Variants in STXBP6 observed in about 807,000 individuals in gnomAD.
STXBP6 encodes syntaxin-binding protein 6.
STXBP6 carries 21 observed loss-of-function variants against 26.9 expected under a neutral mutation model. That is an observed-to-expected ratio of 0.78 (90% CI 0.55 to 1.12). STXBP6 has a LOEUF of 1.12. Ranked by LOEUF, STXBP6 falls within the 50% of genes most tolerant of loss-of-function variation. The pLI is 0.00. For missense variants in STXBP6, 232 were observed against 257.9 expected (o/e 0.90, Z 0.69); for synonymous variants, 97 against 92.6 (o/e 1.05, Z -0.27).
chr14:24,974,934 AG>A (rs1463379868), intron 1 of STXBP6, 84 bp from the exon 2 acceptor site: 3 of 863,714 alleles, frequency 3.5e-6, no homozygotes, highest in Non-Finnish European at 4.8e-6. Context: ...GTGAATTTGC[AG>A]GTGAAGTAAT....
chr14:24,953,248 T>G (rs116013271), intron 2 of STXBP6, among the ~76,000 whole-genome samples: 1 of 152,210 alleles, frequency 6.6e-6, no homozygotes, highest in South Asian at 2.1e-4. Context: ...TGATGGCATG[T>G]AGGCGCAGCA....
At chr14:25,036,372 C>A (rs1178911244) in intron 1 of STXBP6, among the ~76,000 whole-genome samples, 1 of 152,086 alleles carries the variant, frequency 6.6e-6, no homozygotes, top group African/African-American at 2.4e-5. Flanking sequence ...GATGGCCAAG[C>A]ACATATGTCT....
intron 1 of STXBP6, among the ~76,000 whole-genome samples, chr14:24,976,377 G>A (rs1249270716): frequency 6.6e-6 from 1 of 152,114 alleles, no homozygotes; most frequent in Non-Finnish European, 1.5e-5. Context: ...CTGTAATAGG[G>A]CAGGTTTTCT....
At chr14:25,048,744 C>T (rs1169429538) in intron 1 of STXBP6, among the ~76,000 whole-genome samples, 1 of 152,208 alleles carries the variant, frequency 6.6e-6, no homozygotes, top group African/African-American at 2.4e-5. Flanking sequence ...AGCTCCTCCA[C>T]CCCCAGGGTG....
chr14:24,881,786 T>C (rs1433572916), intron 2 of STXBP6, among the ~76,000 whole-genome samples: 1 of 152,152 alleles, frequency 6.6e-6, no homozygotes, highest in East Asian at 1.9e-4. Context: ...CTCTGAAATG[T>C]AGCTGCCAAA....
chr14:24,923,232 TA>T (rs1489890454), intron 2 of STXBP6, among the ~76,000 whole-genome samples: 1 of 152,180 alleles, frequency 6.6e-6, no homozygotes, highest in Non-Finnish European at 1.5e-5. Flanking sequence ...AAACTTTATA[TA>T]AATGGCAGCA....
intron 5 of STXBP6, 36 bp downstream of exon 5, chr14:24,819,001 C>G (rs188340989): frequency 6.5e-7 from 1 of 1,536,072 alleles, no homozygotes; most frequent in East Asian, 2.3e-5. Flanking sequence ...TCCCCAACAC[C>G]CCAGAGCTGA....
chr14:24,901,556 A>C (rs766302468), intron 2 of STXBP6, among the ~76,000 whole-genome samples: 4 of 152,208 alleles, frequency 2.6e-5, no homozygotes, highest in Non-Finnish European at 4.4e-5. Context: ...GTTCACAAAG[A>C]ATAATACTAG....
chr14:24,921,033 C>T lies in STXBP6; in HGVS notation c.154+53632G>A, dbSNP rs74040725. 9.7e-3 allele frequency among the ~76,000 whole-genome samples: 1,474 copies of T among 152,200 alleles called. 21 individuals carry two copies. The highest frequency in any genetic ancestry group is 0.033 in the African/African-American group (1,351 of 41,532). ...AGGGTTTAATACTTAATAAATCTAGCTTTGGGATCAGAGACCTAGTTTAAA... is the reference window on the plus strand; with the variant it reads ...AGGGTTTAATACTTAATAAATCTAGTTTTGGGATCAGAGACCTAGTTTAAA... On this transcript the variant is annotated intron_variant, in intron 2 of 5. Coordinates refer to ENST00000323944, the MANE Select transcript of STXBP6 (RefSeq NM_001394410.1).
At chr14:25,020,019 G>A (rs1260382212) in intron 1 of STXBP6, among the ~76,000 whole-genome samples, 2 of 151,978 alleles carry the variant, frequency 1.3e-5, no homozygotes, top group Non-Finnish European at 2.9e-5. Flanking sequence ...GGCCTGCTTG[G>A]TTTCAGTTAC....
chr14:24,845,098 G>A (rs1279184621), intron 4 of STXBP6, among the ~76,000 whole-genome samples: 16 of 150,366 alleles, frequency 1.1e-4, no homozygotes, highest in African/African-American at 3.7e-4. Flanking sequence ...TGCAACCTCC[G>A]CCTCTTGGGT....
At chr14:24,865,140 T>A (rs1354309443) in intron 2 of STXBP6, among the ~76,000 whole-genome samples, 1 of 152,172 alleles carries the variant, frequency 6.6e-6, no homozygotes, top group African/African-American at 2.4e-5. Context: ...GACCCAACAA[T>A]TCTAATCCTG....
intron 1 of STXBP6, among the ~76,000 whole-genome samples, chr14:25,032,912 T>C (rs1333687262): frequency 2.0e-5 from 3 of 152,216 alleles, no homozygotes; most frequent in African/African-American, 2.4e-5. Context: ...CTCTATATGA[T>C]GAAATGCATT....
chr14:25,019,624 A>G (rs1192001337), intron 1 of STXBP6, among the ~76,000 whole-genome samples: 1 of 152,176 alleles, frequency 6.6e-6, no homozygotes, highest in Non-Finnish European at 1.5e-5. Context: ...GTGCTGAGGG[A>G]CTTCTGCCAT....
At chr14:24,932,057 T>C (rs2072432453) in intron 2 of STXBP6, among the ~76,000 whole-genome samples, 3 of 152,124 alleles carry the variant, frequency 2.0e-5, no homozygotes, top group Admixed American at 2.0e-4. Context: ...CTAGATCGTT[T>C]AGGATCTTGG....
chr14:24,999,619 T>C (rs971445411), intron 1 of STXBP6, among the ~76,000 whole-genome samples: 2 of 152,106 alleles, frequency 1.3e-5, no homozygotes, highest in Non-Finnish European at 2.9e-5. Context: ...GTCTGATGTG[T>C]GGGTAGAATG....
intron 2 of STXBP6, among the ~76,000 whole-genome samples, chr14:24,965,135 T>C (rs1425703858): frequency 2.0e-5 from 3 of 151,874 alleles, no homozygotes. Context: ...GGTTTAAAAA[T>C]GGCGGGTCAG....
At chr14:24,815,366 G>A (rs1246616440) in intron 5 of STXBP6, among the ~76,000 whole-genome samples, 2 of 151,692 alleles carry the variant, frequency 1.3e-5, no homozygotes, top group African/African-American at 4.8e-5. Context: ...CCTAAAAAAT[G>A]ATTATAATAA....
At chr14:25,001,305 G>A (rs2074755308) in intron 1 of STXBP6, among the ~76,000 whole-genome samples, 1 of 152,144 alleles carries the variant, frequency 6.6e-6, no homozygotes, top group Admixed American at 6.6e-5. Flanking sequence ...CATACATACA[G>A]GGCATTCTGA....
Sources: gnomAD v4.1 joint callset for allele counts (sites outside exome capture counted in the v4.1 genomes callset) on GRCh38, gnomAD v4.1.1 for gene constraint, MANE v1.5 for transcripts, NCBI Gene and HGNC (gene_info 2026-07-23, HGNC 2026-07-21) for gene names.